The following RABGAP1L variants were observed in gnomAD, a reference collection of about 807,000 sequenced individuals.
The protein encoded by RABGAP1L is rab GTPase-activating protein 1-like.
In RABGAP1L, 63 loss-of-function variants were observed where a neutral mutation model predicts 137.7. The ratio of observed to expected loss-of-function variants is 0.46; its 90% confidence interval spans 0.37 to 0.56. The LOEUF is 0.56. RABGAP1L is among the 20% of genes least tolerant of loss of function. RABGAP1L has a pLI of 0.00. For missense variants in RABGAP1L, 1,095 were observed against 1,244.0 expected (o/e 0.88, Z 1.80); for synonymous variants, 431 against 433.7 (o/e 0.99, Z 0.08).
chr1:174,614,517 C>T (rs1273258425), intron 13 of RABGAP1L, among the ~76,000 whole-genome samples: 1 of 152,144 alleles, frequency 6.6e-6, no homozygotes, highest in African/African-American at 2.4e-5. Context: ...AACATTTTTT[C>T]CTTCATTTCA....
intron 17 of RABGAP1L, among the ~76,000 whole-genome samples, chr1:174,732,539 A>G (rs1682572811): frequency 6.6e-6 from 1 of 152,252 alleles, no homozygotes; most frequent in Non-Finnish European, 1.5e-5. Flanking sequence ...ATGAGAACAC[A>G]TCAAAGGAAT....
intron 19 of RABGAP1L, among the ~76,000 whole-genome samples, chr1:174,819,938 A>G (rs1426960821): frequency 2.0e-5 from 3 of 152,182 alleles, no homozygotes; most frequent in African/African-American, 7.2e-5. Context: ...AAAATGGTGA[A>G]TGTGTAGTTT....
intron 11 of RABGAP1L, among the ~76,000 whole-genome samples, chr1:174,346,825 T>A (rs1483808284): frequency 6.6e-6 from 1 of 152,080 alleles, no homozygotes; most frequent in East Asian, 1.9e-4. Context: ...GGTTGTTTGA[T>A]GTTTTTTCTA....
At chr1:174,247,739 G>T (rs1672382468) in intron 5 of RABGAP1L, among the ~76,000 whole-genome samples, 1 of 152,158 alleles carries the variant, frequency 6.6e-6, no homozygotes, top group African/African-American at 2.4e-5. Flanking sequence ...TACGTGAATT[G>T]CATGCCTAGT....
intron 13 of RABGAP1L, among the ~76,000 whole-genome samples, chr1:174,440,321 A>G (rs772746561): frequency 2.2e-4 from 33 of 152,214 alleles, no homozygotes; most frequent in Non-Finnish European, 4.6e-4. Context: ...TGTGGAAAAA[A>G]ATATTTTGTC....
chr1:174,264,583 T>C (rs905308142), intron 7 of RABGAP1L, among the ~76,000 whole-genome samples: 1 of 152,188 alleles, frequency 6.6e-6, no homozygotes, highest in Non-Finnish European at 1.5e-5. Context: ...AGTTTGACAC[T>C]GTCCCAAACT....
At chr1:174,282,204 A>C (rs899283007) in intron 10 of RABGAP1L, among the ~76,000 whole-genome samples, 2 of 152,210 alleles carry the variant, frequency 1.3e-5, no homozygotes, top group African/African-American at 4.8e-5. Flanking sequence ...TGGTAAGTAG[A>C]AACTGCCAAA....
At chr1:174,876,750 A>G (rs1380599713) in intron 19 of RABGAP1L, among the ~76,000 whole-genome samples, 2 of 152,210 alleles carry the variant, frequency 1.3e-5, no homozygotes, top group African/African-American at 4.8e-5. Context: ...TGCTTTCTGA[A>G]TAACAACACA....
At chr1:174,906,751 G>T (rs1028034551) in intron 19 of RABGAP1L, among the ~76,000 whole-genome samples, 1 of 151,956 alleles carries the variant, frequency 6.6e-6, no homozygotes, top group African/African-American at 2.4e-5. Context: ...AACTCTCAAA[G>T]ATCAAAGATA....
chr1:174,632,974 T>C (rs1293165327), intron 13 of RABGAP1L, among the ~76,000 whole-genome samples: 1 of 152,078 alleles, frequency 6.6e-6, no homozygotes, highest in African/African-American at 2.4e-5. Flanking sequence ...GCGCTCTGCG[T>C]TTTAGAGTTT....
intron 11 of RABGAP1L, among the ~76,000 whole-genome samples, chr1:174,349,127 G>T (rs1308138693): frequency 7.7e-6 from 1 of 130,096 alleles, no homozygotes; most frequent in Non-Finnish European, 1.6e-5. Context: ...CCTCCCGGAC[G>T]GGGCGGCTGG....
At chr1:174,547,164 TC>T (rs1666088106) in intron 13 of RABGAP1L, among the ~76,000 whole-genome samples, 3 of 151,740 alleles carry the variant, frequency 2.0e-5, no homozygotes. Flanking sequence ...TGTATTCAAA[TC>T]TTCATTCTTG....
intron 11 of RABGAP1L, among the ~76,000 whole-genome samples, chr1:174,349,012 C>CCCTCA (rs1165577926): frequency 6.6e-6 from 1 of 151,616 alleles, no homozygotes; most frequent in Non-Finnish European, 1.5e-5. Flanking sequence ...GCAGAGGCGC[C>CCCTCA]CCTCACCTCC....
chr1:174,304,948 A>T (rs764093541), intron 10 of RABGAP1L, 38 bp from the exon 11 acceptor site: 2 of 1,474,704 alleles, frequency 1.4e-6, no homozygotes, highest in Non-Finnish European at 1.8e-6. Context: ...TTTCCTTCAG[A>T]TTTCTAATAC....
intron 11 of RABGAP1L, among the ~76,000 whole-genome samples, chr1:174,318,860 C>T (rs536277083): frequency 6.6e-6 from 1 of 151,786 alleles, no homozygotes; most frequent in East Asian, 1.9e-4. Context: ...AAACTTTACA[C>T]TTCATCTCCT....
intron 20 of RABGAP1L, among the ~76,000 whole-genome samples, chr1:174,960,994 A>G (rs1669038754): frequency 6.6e-6 from 1 of 152,352 alleles, no homozygotes; most frequent in South Asian, 2.1e-4. Flanking sequence ...AAACTCAGTG[A>G]ACACCATAAT....
At chr1:174,878,935 T>TG (rs1653654115) in intron 19 of RABGAP1L, among the ~76,000 whole-genome samples, 1 of 137,060 alleles carries the variant, frequency 7.3e-6, no homozygotes, top group African/African-American at 2.8e-5. Context: ...GTTTTTTTTT[T>TG]TTTTTTTTTT....
chr1:174,846,220 A>G (rs1257561710), intron 19 of RABGAP1L, among the ~76,000 whole-genome samples: 2 of 142,550 alleles, frequency 1.4e-5, no homozygotes, highest in African/African-American at 2.6e-5. Flanking sequence ...TTGTGTCTCT[A>G]TTTCCTTCAG....
In RABGAP1L at chr1:174,585,879, ATGTG is replaced by A. The variant is rs540152607; in HGVS notation, c.1711-51490_1711-51487del. 5.1e-3 allele frequency among the ~76,000 whole-genome samples: 784 copies of A among 152,272 alleles called. 12 individuals are homozygous for A. Among genetic ancestry groups the A allele is most frequent in the Non-Finnish European group, 4.4e-3 (300 of 68,026 alleles). On this transcript the variant is annotated intron_variant, in intron 13 of 25. Transcript: ENST00000681986. The stretch of plus-strand genomic sequence containing the variant: ...AGTAGTGTATCATGTGTGCATGTCT[ATGTG>A]TGTGTATTTATTAAAGAAGATTCTG...
Sources: allele counts gnomAD v4.1 joint callset (sites outside exome capture counted in the v4.1 genomes callset), GRCh38; gene constraint gnomAD v4.1.1; transcripts MANE v1.5; gene names NCBI Gene and HGNC (gene_info 2026-07-23, HGNC 2026-07-21).